Variants in GLIS1 observed in about 807,000 individuals in gnomAD.
GLIS1 encodes GLIS family zinc finger 1, also known as zinc finger protein GLIS1.
GLIS1 carries 24 observed loss-of-function variants against 63.8 expected under a neutral mutation model. The ratio of observed to expected loss-of-function variants is 0.38; its 90% CI spans 0.27 to 0.53. GLIS1 has a LOEUF of 0.53. Ranked by LOEUF, GLIS1 falls within the 20% of genes least tolerant of loss-of-function variation. The probability of loss-of-function intolerance (pLI) is 0.85; values close to 1 mark genes in which losing one functional copy is unlikely to be tolerated. For missense variants in GLIS1, 1,036 were observed against 1,074.1 expected, an observed-to-expected ratio of 0.96 and a Z score of 0.50; for synonymous variants, 450 against 482.5, an observed-to-expected ratio of 0.93 and a Z score of 0.88.
At chr1:53,732,545 C>T (rs1025123099) in intron 2 of GLIS1, among the ~76,000 whole-genome samples, 5 of 151,546 alleles carry the variant, frequency 3.3e-5, no homozygotes, top group Non-Finnish European at 5.9e-5. Flanking sequence ...TTTTAAACTG[C>T]TAGAATCATT....
intron 4 of GLIS1, among the ~76,000 whole-genome samples, chr1:53,583,399 T>C (rs1645104944): frequency 1.3e-5 from 2 of 152,132 alleles, no homozygotes; most frequent in Admixed American, 1.3e-4. Context: ...TGCTAGATGG[T>C]TCATCAGTTG....
intron 2 of GLIS1, among the ~76,000 whole-genome samples, chr1:53,606,325 G>A (rs1645369311): frequency 6.6e-6 from 1 of 152,196 alleles, no homozygotes; most frequent in Non-Finnish European, 1.5e-5. Context: ...CCTTCCCCAG[G>A]AGGCTGAGCA....
At chr1:53,632,003 C>G (rs544509586) in intron 2 of GLIS1, among the ~76,000 whole-genome samples, 1 of 146,688 alleles carries the variant, frequency 6.8e-6, no homozygotes, top group Non-Finnish European at 1.5e-5. Flanking sequence ...GACTAAGGGG[C>G]GTGTGAATGA....
chr1:53,738,815 A>T (rs975055731), intron 1 of GLIS1, among the ~76,000 whole-genome samples: 2 of 151,510 alleles, frequency 1.3e-5, no homozygotes, highest in Non-Finnish European at 2.9e-5. Flanking sequence ...ACACCCGCAC[A>T]CCCGCCGAGG....
intron 2 of GLIS1, among the ~76,000 whole-genome samples, chr1:53,661,380 C>T (rs1360834456): frequency 6.6e-6 from 1 of 152,184 alleles, no homozygotes; most frequent in South Asian, 2.1e-4. Context: ...GGGCCCATCA[C>T]ACGGCTTATT....
intron 3 of GLIS1, among the ~76,000 whole-genome samples, chr1:53,595,901 C>T (rs1361584062): frequency 1.3e-5 from 2 of 152,182 alleles, no homozygotes; most frequent in Admixed American, 6.5e-5. Context: ...TTCAGGCCCT[C>T]ACAATGTGAC....
At chr1:53,623,431 A>G (rs1645565813) in intron 2 of GLIS1, among the ~76,000 whole-genome samples, 1 of 152,230 alleles carries the variant, frequency 6.6e-6, no homozygotes. Context: ...TATAGCTAAC[A>G]TCATGCTTAA....
intron 4 of GLIS1, among the ~76,000 whole-genome samples, chr1:53,536,361 T>A (rs1644581603): frequency 6.6e-6 from 1 of 152,112 alleles, no homozygotes; most frequent in African/African-American, 2.4e-5. Context: ...TTTTTCTTAT[T>A]TACCCCAAAA....
At chr1:53,737,734 C>G in intron 2 of GLIS1, 72 bp downstream of exon 2, 1 of 1,220,142 alleles carries the variant, frequency 8.2e-7, no homozygotes, top group Non-Finnish European at 1.0e-6. Flanking sequence ...CTCTCCCGAG[C>G]ACGCGGTGGC....
intron 2 of GLIS1, among the ~76,000 whole-genome samples, chr1:53,650,452 T>C (rs1015371536): frequency 5.3e-5 from 8 of 151,906 alleles, no homozygotes; most frequent in African/African-American, 1.7e-4. Flanking sequence ...TAGACAGGCG[T>C]GGTGGCACAC....
intron 2 of GLIS1, among the ~76,000 whole-genome samples, chr1:53,645,513 C>T (rs935212093): frequency 4.6e-5 from 7 of 152,244 alleles, no homozygotes; most frequent in East Asian, 3.9e-4. Context: ...TGACTCCTCC[C>T]GCTTACTCTC....
In GLIS1 at chr1:53,682,214, A is replaced by G. The variant is rs536207852; in HGVS notation, c.259+55592T>C. The stretch of plus-strand genomic sequence containing the variant: ...CGCTCACCACCGGACTCCGACTCCA[A>G]CTCCAGACCCGCTTGCAGCCATGCA... On this transcript the variant is annotated intron_variant, in intron 2 of 10. Coordinates refer to ENST00000628545, the MANE Select transcript of GLIS1 (RefSeq NM_001367484.1). Among the ~76,000 whole-genome samples, 3 of 151,692 alleles carry G rather than the reference A, an allele frequency of 2.0e-5. No individual in the cohort carries two copies. The South Asian group carries it at 6.3e-4, about 32-fold the overall frequency.
intron 8 of GLIS1, among the ~76,000 whole-genome samples, chr1:53,510,481 C>A (rs1233918935): frequency 6.6e-6 from 1 of 152,192 alleles, no homozygotes; most frequent in Non-Finnish European, 1.5e-5. Context: ...AGCCCTGGAG[C>A]AGCCCATGGC....
At chr1:53,604,422 G>T (rs1378259662) in intron 2 of GLIS1, among the ~76,000 whole-genome samples, 1 of 152,162 alleles carries the variant, frequency 6.6e-6, no homozygotes, top group Non-Finnish European at 1.5e-5. Flanking sequence ...CCACATATAA[G>T]GTGACTCCCC....
At chr1:53,663,189 T>C (rs1282007007) in intron 2 of GLIS1, among the ~76,000 whole-genome samples, 1 of 152,190 alleles carries the variant, frequency 6.6e-6, no homozygotes, top group Non-Finnish European at 1.5e-5. Context: ...CCCAGCCCCA[T>C]CTGCACACTT....
At chr1:53,605,845 T>C (rs555842172) in intron 2 of GLIS1, among the ~76,000 whole-genome samples, 21 of 152,170 alleles carry the variant, frequency 1.4e-4, no homozygotes, top group Non-Finnish European at 2.5e-4. Flanking sequence ...CCCAGCACAG[T>C]CAGGCCCACA....
At chr1:53,540,104 C>A (rs189965147) in intron 4 of GLIS1, among the ~76,000 whole-genome samples, 3 of 152,154 alleles carry the variant, frequency 2.0e-5, no homozygotes, top group Non-Finnish European at 4.4e-5. Context: ...CGGTCCCTTA[C>A]CACTCTCCTA....
intron 2 of GLIS1, among the ~76,000 whole-genome samples, chr1:53,630,262 G>A (rs555764831): frequency 2.0e-5 from 3 of 152,136 alleles, no homozygotes; most frequent in Non-Finnish European, 4.4e-5. Context: ...GTTAGACATT[G>A]AGGTTGTTTC....
chr1:53,593,923 G>T (rs1353121023), intron 4 of GLIS1, among the ~76,000 whole-genome samples, 185 bp downstream of exon 4: 1 of 152,240 alleles, frequency 6.6e-6, no homozygotes, highest in African/African-American at 2.4e-5. Flanking sequence ...ACGGTTCCCA[G>T]TGACAGGGGC....
Sources: gnomAD v4.1 joint callset for allele counts (sites outside exome capture counted in the v4.1 genomes callset) on GRCh38, gnomAD v4.1.1 for gene constraint, MANE v1.5 for transcripts, NCBI Gene and HGNC (gene_info 2026-07-23, HGNC 2026-07-21) for gene names.